Variants in ULK4 observed in about 807,000 individuals in gnomAD.
ULK4 encodes the protein unc-51 like kinase 4, also known as inactive serine/threonine-protein kinase ULK4.
ULK4 carries 133 observed loss-of-function variants against 160.6 expected under a neutral mutation model. The ratio of observed to expected loss-of-function variants is 0.83; its 90% CI spans 0.72 to 0.96. ULK4 has a LOEUF of 0.96. ULK4 is among the 40% of genes least tolerant of loss of function. ULK4 has a pLI of 0.00. For missense variants in ULK4, 1,580 were observed against 1,499.5 expected, an observed-to-expected ratio of 1.05 and a Z score of -0.89; for synonymous variants, 534 against 539.8, an observed-to-expected ratio of 0.99 and a Z score of 0.15.
rs189217862 is a variant in ULK4 at position 41,816,862 on chromosome 3, G to A, written c.1848+2561C>T. ...AAGTTTGCCTATGTCAAATGTTTGCGAAGATATGGGTTAATAAGTACTTCC... is the reference window on the plus strand; with the variant it reads ...AAGTTTGCCTATGTCAAATGTTTGCAAAGATATGGGTTAATAAGTACTTCC... On this transcript the variant is annotated intron_variant, in intron 19 of 36. Transcript: ENST00000301831. 1.4e-4 allele frequency among the ~76,000 whole-genome samples: 21 copies of A among 152,270 alleles called. No homozygotes were observed. The East Asian group carries it at 2.7e-3, about 20-fold the overall frequency.
chr3:41,851,138 C>T (rs562897734), intron 17 of ULK4, among the ~76,000 whole-genome samples: 71 of 152,210 alleles, frequency 4.7e-4, no homozygotes, highest in African/African-American at 1.6e-3. Context: ...TGAGAGAGGG[C>T]GTCCCTGTCT....
chr3:41,634,434 A>G (rs1054383630), intron 30 of ULK4, among the ~76,000 whole-genome samples: 1 of 152,184 alleles, frequency 6.6e-6, no homozygotes, highest in African/African-American at 2.4e-5. Flanking sequence ...CCTGGGCAAA[A>G]AGAGTATAAT....
intron 29 of ULK4, among the ~76,000 whole-genome samples, chr3:41,670,883 C>A (rs1209410738): frequency 6.6e-6 from 1 of 152,008 alleles, no homozygotes; most frequent in Non-Finnish European, 1.5e-5. Context: ...TATCTTTATG[C>A]TCTACTACCT....
At chr3:41,927,937 G>C (rs1699443426) in intron 5 of ULK4, among the ~76,000 whole-genome samples, 1 of 152,014 alleles carries the variant, frequency 6.6e-6, no homozygotes, top group Admixed American at 6.6e-5. Context: ...GTCAATATTA[G>C]ACAGATCAAT....
intron 16 of ULK4, among the ~76,000 whole-genome samples, chr3:41,885,444 T>C (rs1000147928): frequency 2.6e-5 from 4 of 152,136 alleles, no homozygotes; most frequent in Non-Finnish European, 5.9e-5. Context: ...ACAGTATAGG[T>C]TCCTTCTCAA....
chr3:41,831,725 A>T (rs544533568), intron 18 of ULK4, among the ~76,000 whole-genome samples: 3 of 150,002 alleles, frequency 2.0e-5, no homozygotes, highest in African/African-American at 7.4e-5. Flanking sequence ...ACAGGCCCCC[A>T]TGTGTGTTGT....
chr3:41,916,025 T>G lies in ULK4; in HGVS notation c.755A>C (p.Asp252Ala). 1 of 1,592,796 alleles carries G rather than the reference T, an allele frequency of 6.3e-7. No individual in the cohort carries two copies. Among genetic ancestry groups the G allele is most frequent in the Non-Finnish European group, 8.5e-7 (1 of 1,174,916 alleles). Residue 252 changes from aspartate to alanine, a missense_variant, in exon 8 of 37, where the codon GAT becomes GCT. Asp to Ala is a moderately radical substitution (Grantham distance 126). Coordinates refer to ENST00000301831, the MANE Select transcript of ULK4 (RefSeq NM_017886.4). ...KDSSRPKASS[D>A]FINLLDGLLQ... ...TAACCCATCAAGCAAATTAATAAAA[T>G]CTGAAGAAGCTTTAGGACGAGAAGA...
At chr3:41,387,930 A>G (rs1196056219) in intron 35 of ULK4, among the ~76,000 whole-genome samples, 1 of 152,184 alleles carries the variant, frequency 6.6e-6, no homozygotes, top group Non-Finnish European at 1.5e-5. Flanking sequence ...CTAGTTCTAG[A>G]TCCCTGAGGA....
chr3:41,493,892 C>A (rs1379570845), intron 32 of ULK4, among the ~76,000 whole-genome samples: 1 of 148,414 alleles, frequency 6.7e-6, no homozygotes, highest in Non-Finnish European at 1.5e-5. Context: ...GAAGTTGAAT[C>A]TCTGAATAGA....
intron 31 of ULK4, among the ~76,000 whole-genome samples, chr3:41,601,520 A>AG (rs1464237186): frequency 6.6e-6 from 1 of 152,158 alleles, no homozygotes; most frequent in African/African-American, 2.4e-5. Flanking sequence ...GGAGGGTGAG[A>AG]GGGAAACAGG....
At chr3:41,478,096 C>T (rs1294205927) in intron 32 of ULK4, among the ~76,000 whole-genome samples, 1 of 152,220 alleles carries the variant, frequency 6.6e-6, no homozygotes, top group East Asian at 1.9e-4. Context: ...TTCAGTTTGG[C>T]TTCTTTACCT....
intron 22 of ULK4, among the ~76,000 whole-genome samples, chr3:41,741,965 A>C (rs2038253243): frequency 6.6e-6 from 1 of 151,806 alleles, no homozygotes; most frequent in Non-Finnish European, 1.5e-5. Context: ...CTGTCCCCCC[A>C]AAAAAGTGCT....
At chr3:41,460,874 A>C (rs1042767562) in intron 33 of ULK4, among the ~76,000 whole-genome samples, 2 of 152,140 alleles carry the variant, frequency 1.3e-5, no homozygotes, top group Non-Finnish European at 2.9e-5. Flanking sequence ...TTTCCAGATG[A>C]GGAAACTGAT....
chr3:41,650,280 T>C (rs776900256), intron 30 of ULK4, among the ~76,000 whole-genome samples: 1 of 152,180 alleles, frequency 6.6e-6, no homozygotes, highest in Non-Finnish European at 1.5e-5. Flanking sequence ...GAAAGAGCTA[T>C]AACACAAACA....
At chr3:41,441,487 T>C (rs1042860812) in intron 34 of ULK4, among the ~76,000 whole-genome samples, 1 of 152,032 alleles carries the variant, frequency 6.6e-6, no homozygotes, top group African/African-American at 2.4e-5. Flanking sequence ...TTATGGTGAG[T>C]TCTACATATT....
At chr3:41,781,203 T>C (rs1395361796) in intron 21 of ULK4, among the ~76,000 whole-genome samples, 1 of 152,116 alleles carries the variant, frequency 6.6e-6, no homozygotes, top group Non-Finnish European at 1.5e-5. Flanking sequence ...AAAAATCATT[T>C]ATGAGAAGGT....
chr3:41,666,136 G>C (rs966799834), intron 29 of ULK4, among the ~76,000 whole-genome samples: 54 of 152,138 alleles, frequency 3.5e-4, no homozygotes, highest in African/African-American at 1.2e-3. Context: ...CCTGAGCCTT[G>C]GTGTCCAGGG....
chr3:41,794,435 G>A (rs1311198369), intron 20 of ULK4, among the ~76,000 whole-genome samples: 3 of 152,114 alleles, frequency 2.0e-5, no homozygotes, highest in South Asian at 2.1e-4. Context: ...GGAGGCAGAC[G>A]TGGGTGGATC....
chr3:41,455,142 A>T (rs995712452), intron 34 of ULK4, among the ~76,000 whole-genome samples: 1 of 152,136 alleles, frequency 6.6e-6, no homozygotes, highest in African/African-American at 2.4e-5. Flanking sequence ...TTTCTGGGGA[A>T]GTCCTGCATG....
Sources: gnomAD v4.1 joint callset for allele counts (sites outside exome capture counted in the v4.1 genomes callset) on GRCh38, gnomAD v4.1.1 for gene constraint, MANE v1.5 for transcripts, NCBI Gene and HGNC (gene_info 2026-07-23, HGNC 2026-07-21) for gene names.